Variants in UNC13C observed in about 807,000 individuals in gnomAD.
UNC13C encodes the protein unc-13 homolog C.
A neutral mutation model predicts 245.4 loss-of-function variants in UNC13C; 174 were observed. That is an observed-to-expected ratio of 0.71 (90% CI 0.63 to 0.80). The LOEUF is 0.80. Ranked by LOEUF, UNC13C falls within the 30% of genes least tolerant of loss-of-function variation. UNC13C has a pLI of 0.00. For synonymous variants in UNC13C, 992 were observed against 895.1 expected (o/e 1.11, Z -1.93); for missense variants, 2,829 against 2,602.9 (o/e 1.09, Z -1.89).
intron 2 of UNC13C, among the ~76,000 whole-genome samples, chr15:54,108,267 A>G (rs1900556121): frequency 6.6e-6 from 1 of 152,014 alleles, no homozygotes; most frequent in Non-Finnish European, 1.5e-5. Context: ...GCTCGCTGCA[A>G]TCTCCGCCTC....
the UNC13C span, among the ~76,000 whole-genome samples, chr15:53,892,486 A>G: frequency 2.0e-5 from 3 of 152,012 alleles, no homozygotes; most frequent in African/African-American, 7.3e-5. Context: ...GCTTGGTTCC[A>G]TTTTCCCTGT....
At chr15:54,484,982 A>G (rs1023462117) in intron 19 of UNC13C, among the ~76,000 whole-genome samples, 1 of 147,036 alleles carries the variant, frequency 6.8e-6, no homozygotes, top group African/African-American at 2.5e-5. Context: ...TGAGTGGTTA[A>G]TTTGAACTAT....
At chr15:53,956,875 A>AGTGTGTGTGTGTGTAT in the UNC13C span, among the ~76,000 whole-genome samples, 1 of 139,700 alleles carries the variant, frequency 7.2e-6, no homozygotes, top group South Asian at 2.5e-4. Context: ...GTTAAGCTCA[A>AGTGTGTGTGTGTGTAT]GTGTGTGTGT....
intron 4 of UNC13C, among the ~76,000 whole-genome samples, chr15:54,165,968 C>A (rs2033150882): frequency 6.6e-6 from 1 of 151,786 alleles, no homozygotes; most frequent in African/African-American, 2.4e-5. Flanking sequence ...TTGCCATTTG[C>A]ATTTGTTATT....
intron 26 of UNC13C, among the ~76,000 whole-genome samples, chr15:54,535,167 A>T (rs1432146720): frequency 6.6e-6 from 1 of 152,186 alleles, no homozygotes. Context: ...AAGTAAAGGG[A>T]TGGAGAAAAA....
chr15:54,434,153 C>T (rs2040931322), intron 19 of UNC13C, among the ~76,000 whole-genome samples: 1 of 152,122 alleles, frequency 6.6e-6, no homozygotes. Context: ...AATGGCCATA[C>T]TGCCCAAAGT....
intron 1 of UNC13C, among the ~76,000 whole-genome samples, chr15:54,012,095 C>T (rs927103838): frequency 2.0e-5 from 3 of 152,014 alleles, no homozygotes; most frequent in East Asian, 1.9e-4. Flanking sequence ...TAAATGTAAA[C>T]GTTATTTTCT....
At chr15:54,290,889 G>C (rs890786667) in intron 10 of UNC13C, among the ~76,000 whole-genome samples, 2 of 151,938 alleles carry the variant, frequency 1.3e-5, no homozygotes, top group African/African-American at 4.8e-5. Flanking sequence ...CTGTCTTCCA[G>C]GGCTTACATA....
chr15:54,397,202 T>A (rs1340255011), intron 18 of UNC13C, among the ~76,000 whole-genome samples: 11 of 151,550 alleles, frequency 7.3e-5, no homozygotes. Context: ...GCTTGTTAAC[T>A]GGTGTGATAA....
chr15:53,979,498 C>T (rs1032556022), intron 1 of UNC13C, among the ~76,000 whole-genome samples: 1 of 144,092 alleles, frequency 6.9e-6, no homozygotes, highest in African/African-American at 2.5e-5. Flanking sequence ...GTGCTTGGTT[C>T]TGTTTTACAA....
chr15:54,626,048 G>A (rs117654934), intron 32 of UNC13C, among the ~76,000 whole-genome samples: 5,181 of 152,210 alleles, frequency 0.034, 110 homozygotes, highest in Non-Finnish European at 0.053. Context: ...TAAAAGGAAG[G>A]AATTTGGAAG....
intron 2 of UNC13C, among the ~76,000 whole-genome samples, chr15:54,017,846 G>C (rs1895729797): frequency 6.6e-6 from 1 of 152,098 alleles, no homozygotes; most frequent in South Asian, 2.1e-4. Flanking sequence ...TGCATATGAG[G>C]CCTGGCTATA....
chr15:54,489,733 G>T (rs2141079555), intron 19 of UNC13C, among the ~76,000 whole-genome samples: 1 of 152,138 alleles, frequency 6.6e-6, no homozygotes, highest in South Asian at 2.1e-4. Flanking sequence ...CAAATACTGG[G>T]GTTCATGATG....
the UNC13C span, among the ~76,000 whole-genome samples, chr15:53,847,586 G>A: frequency 2.0e-5 from 3 of 150,050 alleles, no homozygotes; most frequent in Non-Finnish European, 3.0e-5. Flanking sequence ...GGCTGGTCTC[G>A]AACTCCTGAC....
At position 54,297,811 on chromosome 15, in the gene UNC13C, A is replaced by G; in HGVS notation, c.3989A>G (p.Glu1330Gly). The G allele has an allele frequency of 6.3e-7, 1 of 1,598,604 alleles. No homozygotes were observed. Residue 1330 changes from glutamate to glycine, a missense_variant and splice_region_variant, in exon 12 of 33, where the codon GAG becomes GGG. Glu to Gly is a moderately conservative substitution (Grantham distance 98, BLOSUM62 -2). Transcript: ENST00000260323. ...SGEMDVWYNLEKRTDKSAVSG... is the reference protein window; with the variant it reads ...SGEMDVWYNLGKRTDKSAVSG... The stretch of plus-strand genomic sequence containing the variant: ...ACCAATTGCCTTTTTGCTTTATCAG[A>G]GAAAAGGACAGATAAGTCAGCTGTA...
chr15:54,353,210 A>T (rs1011406275), intron 17 of UNC13C, among the ~76,000 whole-genome samples: 4 of 151,994 alleles, frequency 2.6e-5, no homozygotes, highest in African/African-American at 9.7e-5. Context: ...GGTAGACATT[A>T]AAAAAATTAT....
At chr15:54,561,811 A>T (rs1897307392) in intron 29 of UNC13C, among the ~76,000 whole-genome samples, 1 of 152,014 alleles carries the variant, frequency 6.6e-6, no homozygotes, top group South Asian at 2.1e-4. Flanking sequence ...CAGAGATTTG[A>T]GTTCCAGTTA....
intron 30 of UNC13C, chr15:54,611,761 T>A (rs1900112223): frequency 6.6e-6 from 1 of 152,160 alleles, no homozygotes; most frequent in Admixed American, 6.5e-5. Flanking sequence ...ATTTTATTTT[T>A]ATTTAAAAAG....
intron 2 of UNC13C, among the ~76,000 whole-genome samples, chr15:54,124,479 T>C (rs1386855170): frequency 6.6e-6 from 1 of 152,240 alleles, no homozygotes; most frequent in Non-Finnish European, 1.5e-5. Context: ...AGTTTCCATA[T>C]TAGATTTTTT....
Sources: gnomAD v4.1 joint callset for allele counts (sites outside exome capture counted in the v4.1 genomes callset) on GRCh38, gnomAD v4.1.1 for gene constraint, MANE v1.5 for transcripts, NCBI Gene and HGNC (gene_info 2026-07-23, HGNC 2026-07-21) for gene names.